Variants in ARL15 observed in about 807,000 individuals in gnomAD.
The protein encoded by ARL15 is ARF like GTPase 15, also known as ADP-ribosylation factor-like protein 15.
In ARL15, 19 loss-of-function variants were observed where a neutral mutation model predicts 25.2. That is an observed-to-expected ratio of 0.75 (90% CI 0.53 to 1.10). The LOEUF is 1.10. Ranked by LOEUF, ARL15 falls within the 50% of genes least tolerant of loss-of-function variation. ARL15 has a pLI of 0.00. For missense variants in ARL15, 220 were observed against 246.0 expected, an observed-to-expected ratio of 0.89 and a Z score of 0.71; for synonymous variants, 94 against 86.8, an observed-to-expected ratio of 1.08 and a Z score of -0.46.
intron 1 of ARL15, among the ~76,000 whole-genome samples, chr5:54,306,853 A>G (rs1250102330): frequency 6.6e-6 from 1 of 152,230 alleles, no homozygotes; most frequent in African/African-American, 2.4e-5. Flanking sequence ...TTCCAGATCA[A>G]TCATCACATG....
At chr5:54,209,312 G>A (rs1561267659) in intron 1 of ARL15, among the ~76,000 whole-genome samples, 1 of 145,598 alleles carries the variant, frequency 6.9e-6, no homozygotes, top group Non-Finnish European at 1.5e-5. Flanking sequence ...CTAGAATGAT[G>A]GTGGTAAATA....
intron 1 of ARL15, among the ~76,000 whole-genome samples, chr5:54,309,514 G>A (rs1758842583): frequency 6.6e-6 from 1 of 152,192 alleles, no homozygotes; most frequent in South Asian, 2.1e-4. Context: ...GAGGGTCAAT[G>A]TTTCTAACCG....
chr5:54,304,400 C>T (rs949091392), intron 1 of ARL15, among the ~76,000 whole-genome samples: 1 of 152,232 alleles, frequency 6.6e-6, no homozygotes, highest in African/African-American at 2.4e-5. Context: ...CTGATTATAA[C>T]TCATATACTT....
At chr5:53,974,288 G>A (rs1439100258) in intron 4 of ARL15, among the ~76,000 whole-genome samples, 2 of 152,184 alleles carry the variant, frequency 1.3e-5, no homozygotes, top group East Asian at 1.9e-4. Flanking sequence ...GCCTGGGAGT[G>A]TCAATTAAGT....
In ARL15 at chr5:54,095,442, CTT is replaced by C. The variant is rs201796789; in HGVS notation, c.462+17758_462+17759del. Reference sequence around the variant, plus strand: ...CTACTGTCCTTTTCCCTTCTCATCTCTTGTTTGTTAAACTGATGAATGAAAAA... The same window carrying C: ...CTACTGTCCTTTTCCCTTCTCATCTCGTTTGTTAAACTGATGAATGAAAAA... On this transcript the variant is annotated intron_variant, in intron 4 of 4. Transcript: ENST00000504924. 4.9e-3 allele frequency among the ~76,000 whole-genome samples: 746 copies of C among 152,224 alleles called. 6 individuals are homozygous for C. The highest frequency in any genetic ancestry group is 0.017 in the African/African-American group (700 of 41,542).
intron 3 of ARL15, among the ~76,000 whole-genome samples, chr5:54,136,921 A>T (rs1753622376): frequency 1.3e-5 from 2 of 151,674 alleles, no homozygotes; most frequent in Admixed American, 6.6e-5. Context: ...CTGGCCCAAG[A>T]ATCATCTCTT....
At chr5:54,105,155 A>G (rs1579803929) in intron 4 of ARL15, among the ~76,000 whole-genome samples, 1 of 151,982 alleles carries the variant, frequency 6.6e-6, no homozygotes, top group East Asian at 1.9e-4. Flanking sequence ...ATTTACCTCG[A>G]CAAATGTTTT....
chr5:54,113,914 T>C (rs1752815986), intron 3 of ARL15, among the ~76,000 whole-genome samples: 2 of 152,112 alleles, frequency 1.3e-5, no homozygotes, highest in South Asian at 4.1e-4. Flanking sequence ...ACCTAGGGAG[T>C]TATTAGCACA....
intron 1 of ARL15, among the ~76,000 whole-genome samples, chr5:54,215,633 A>C (rs77516222): frequency 3.2e-5 from 2 of 62,630 alleles, no homozygotes; most frequent in Non-Finnish European, 1.2e-4. Context: ...GGAGGGGGGG[A>C]AAAAGGAACT....
At chr5:54,284,729 C>G (rs1312524336) in intron 1 of ARL15, among the ~76,000 whole-genome samples, 2 of 152,106 alleles carry the variant, frequency 1.3e-5, no homozygotes, top group Non-Finnish European at 2.9e-5. Context: ...AACCATATTA[C>G]CTCATTCTCT....
rs571683412 is a variant in ARL15 at position 54,043,418 on chromosome 5, C to T, written c.462+69784G>A. Among the ~76,000 whole-genome samples, 25 of 152,236 alleles carry T rather than the reference C, an allele frequency of 1.6e-4. No individual in the cohort carries two copies. In the South Asian group the frequency reaches 5.2e-3, roughly 32 times the overall value. ...CTGTAATCTTTGACATTCTAGGATT[C>T]TGCTCAAGATTGAGATAATTATGTA... On this transcript the variant is annotated intron_variant, in intron 4 of 4. Coordinates refer to ENST00000504924, the MANE Select transcript of ARL15 (RefSeq NM_019087.3).
intron 4 of ARL15, among the ~76,000 whole-genome samples, chr5:54,020,238 C>T (rs1749552427): frequency 6.6e-6 from 1 of 152,164 alleles, no homozygotes; most frequent in African/African-American, 2.4e-5. Flanking sequence ...TGTGTCCTTT[C>T]CCCTCCTTAC....
At chr5:54,025,065 G>C (rs1749744181) in intron 4 of ARL15, among the ~76,000 whole-genome samples, 1 of 151,908 alleles carries the variant, frequency 6.6e-6, no homozygotes, top group African/African-American at 2.4e-5. Flanking sequence ...AACCAATAAA[G>C]ATAAAGGAAA....
At chr5:53,913,595 G>T (rs1745535177) in intron 4 of ARL15, among the ~76,000 whole-genome samples, 1 of 152,066 alleles carries the variant, frequency 6.6e-6, no homozygotes, top group Non-Finnish European at 1.5e-5. Flanking sequence ...TTTCTAATTT[G>T]GAAAATGGGT....
chr5:53,956,253 G>A (rs573728786), intron 4 of ARL15, among the ~76,000 whole-genome samples: 7 of 151,778 alleles, frequency 4.6e-5, no homozygotes, highest in East Asian at 3.9e-4. Flanking sequence ...TACATCCCTC[G>A]TTTTAATAGT....
chr5:54,277,747 G>A (rs1166854310), intron 1 of ARL15, among the ~76,000 whole-genome samples: 12 of 151,298 alleles, frequency 7.9e-5, no homozygotes, highest in African/African-American at 2.7e-4. Flanking sequence ...GTGAGACTTC[G>A]TCTCAAAAAA....
At chr5:53,981,202 T>C (rs1251950059) in intron 4 of ARL15, among the ~76,000 whole-genome samples, 1 of 152,214 alleles carries the variant, frequency 6.6e-6, no homozygotes, top group Non-Finnish European at 1.5e-5. Flanking sequence ...CAGAATTTCC[T>C]AATCATTATT....
chr5:54,226,002 A>G (rs1035490565), intron 1 of ARL15, among the ~76,000 whole-genome samples: 1 of 152,210 alleles, frequency 6.6e-6, no homozygotes, highest in African/African-American at 2.4e-5. Flanking sequence ...GAGGTGGCAC[A>G]CATCAATACT....
chr5:54,032,516 T>A (rs1404772505), intron 4 of ARL15, among the ~76,000 whole-genome samples: 1 of 152,034 alleles, frequency 6.6e-6, no homozygotes, highest in Non-Finnish European at 1.5e-5. Context: ...ATTACAGGCG[T>A]GAGCCACTGC....
Sources: allele counts gnomAD v4.1 joint callset (sites outside exome capture counted in the v4.1 genomes callset), GRCh38; gene constraint gnomAD v4.1.1; transcripts MANE v1.5; gene names NCBI Gene and HGNC (gene_info 2026-07-23, HGNC 2026-07-21).